The following ARHGEF6 variants were observed in gnomAD, a reference collection of about 807,000 sequenced individuals.
ARHGEF6 encodes Rac/Cdc42 guanine nucleotide exchange factor 6.
In ARHGEF6, 9 loss-of-function variants were observed where a neutral mutation model predicts 70.3. The ratio of observed to expected loss-of-function variants is 0.13; its 90% CI spans 0.08 to 0.22. The LOEUF (loss-of-function observed/expected upper bound fraction) is 0.22, where lower values mean the gene tolerates loss of function less well. Ranked by LOEUF, ARHGEF6 falls within the 10% of genes least tolerant of loss-of-function variation. The pLI is 1.00. For synonymous variants in ARHGEF6, 201 were observed against 207.8 expected (o/e 0.97, Z 0.28); for missense variants, 470 against 563.0 (o/e 0.83, Z 1.67).
At chrX:136,728,209 T>C (rs1873938812) in intron 6 of ARHGEF6, among the ~76,000 whole-genome samples, 2 of 111,273 alleles carry the variant, frequency 1.8e-5, no homozygotes, top group South Asian at 7.6e-4. Flanking sequence ...GGAACCAAGG[T>C]CAGGGGCAGC....
intron 7 of ARHGEF6, among the ~76,000 whole-genome samples, chrX:136,712,135 G>A (rs2076692254): frequency 9.0e-6 from 1 of 111,360 alleles, no homozygotes; most frequent in Non-Finnish European, 1.9e-5. Context: ...TTCACATGGA[G>A]TCTTGCTCTG....
chrX:136,696,246 G>A (rs2076508718), intron 9 of ARHGEF6, among the ~76,000 whole-genome samples: 1 of 111,428 alleles, frequency 9.0e-6, no homozygotes, highest in African/African-American at 3.3e-5. Context: ...GAAACAGTAA[G>A]GAGTTCCACT....
chrX:136,686,682 A>ATATATATATACACATGTG (rs1569394068), intron 11 of ARHGEF6, among the ~76,000 whole-genome samples: 40 of 59,496 alleles, frequency 6.7e-4, no homozygotes, highest in African/African-American at 2.6e-3. Context: ...ATATATACAC[A>ATATATATATACACATGTG]TATATATATA....
At chrX:136,708,236 A>G (rs1256702855) in intron 8 of ARHGEF6, among the ~76,000 whole-genome samples, 1 of 110,666 alleles carries the variant, frequency 9.0e-6, no homozygotes, top group Non-Finnish European at 1.9e-5. Context: ...AAGGGGAGGG[A>G]GAGCATTAGG....
intron 11 of ARHGEF6, among the ~76,000 whole-genome samples, chrX:136,686,597 T>TATATATATATATATATATATATACACAC (rs1569393667): frequency 1.6e-5 from 1 of 62,480 alleles, no homozygotes; most frequent in Non-Finnish European, 2.6e-5. Flanking sequence ...TGTGTGTGTA[T>TATATATATATATATATATATATACACAC]ATATATATAT....
chrX:136,722,432 T>C (rs1017160293), intron 6 of ARHGEF6, among the ~76,000 whole-genome samples: 12 of 111,643 alleles, frequency 1.1e-4, no homozygotes, highest in Non-Finnish European at 2.1e-4. Flanking sequence ...CTGATAAGAG[T>C]CTAGTATCCA....
Position 136,690,716 on chromosome X carries a change from C to T in ARHGEF6, c.1079G>A (p.Gly360Asp). ...AATGAGGATACCTGGGCTCGATGCA[C>T]CTTGATTTTCCATGAATTGTTCCAA... ...DELEQFMENQ[G>D]ASSPGILILT... The change falls in exon 10 of 22, where the codon GGT becomes GAT. Residue 360 changes from glycine (G) to aspartate (D), a missense_variant. Gly to Asp is a moderately conservative substitution (Grantham distance 94). Transcript: ENST00000250617. 1 of 1,210,848 alleles carries T rather than the reference C, an allele frequency of 8.3e-7. No homozygotes were observed. The highest frequency in any genetic ancestry group is 1.1e-6 in the Non-Finnish European group (1 of 894,932).
intron 2 of ARHGEF6, among the ~76,000 whole-genome samples, chrX:136,754,798 C>T (rs2077188890): frequency 9.0e-6 from 1 of 111,061 alleles, no homozygotes; most frequent in Non-Finnish European, 1.9e-5. Flanking sequence ...TTGGCGGGCT[C>T]CCACCCCTCC....
Position 136,682,975 on chromosome X carries a change from A to T in ARHGEF6, c.1393-131T>A, listed in dbSNP as rs751640405. 1,543 of 518,621 alleles carry T rather than the reference A, an allele frequency of 3.0e-3. 2 individuals are homozygous for T. The highest frequency in any genetic ancestry group is 4.2e-3 in the Non-Finnish European group (1,313 of 313,501). The allele number at this position is 518,621 out of a possible 1,213,427, so 42.7% of individuals were successfully genotyped here. A position where few individuals can be genotyped will look rare whatever the true frequency, so the allele number is the denominator to read the frequency against. On this transcript the variant is annotated intron_variant, in intron 12 of 21. Coordinates refer to ENST00000250617, the MANE Select transcript of ARHGEF6 (RefSeq NM_004840.3). Reference sequence around the variant, plus strand: ...AAACATTAACGGTAATTTTTTTTTTAAAAAAGATACCCAACTTGAAAACAC... The same window carrying T: ...AAACATTAACGGTAATTTTTTTTTTTAAAAAGATACCCAACTTGAAAACAC...
chrX:136,721,027 G>A (rs897559186), intron 6 of ARHGEF6, among the ~76,000 whole-genome samples: 3 of 111,890 alleles, frequency 2.7e-5, no homozygotes, highest in Non-Finnish European at 5.6e-5. Context: ...CTATATTCAT[G>A]GGTAGAAAGA....
At chrX:136,729,956 C>A (rs1311860184) in intron 6 of ARHGEF6, among the ~76,000 whole-genome samples, 2 of 110,260 alleles carry the variant, frequency 1.8e-5, no homozygotes, top group Non-Finnish European at 3.8e-5. Flanking sequence ...TATACACTTA[C>A]ACCTACCTTA....
At chrX:136,761,327 T>G (rs2077261504) in intron 2 of ARHGEF6, among the ~76,000 whole-genome samples, 2 of 112,332 alleles carry the variant, frequency 1.8e-5, no homozygotes, top group Non-Finnish European at 3.8e-5. Flanking sequence ...ATATATTGTC[T>G]GAAACTGTAG....
At chrX:136,748,193 T>C (rs5974623) in intron 2 of ARHGEF6, among the ~76,000 whole-genome samples, 1,620 of 111,972 alleles carry the variant, frequency 0.014, 30 homozygotes, top group African/African-American at 0.05. Context: ...GCTTCAGTTC[T>C]GTTTCTGCTG....
intron 18 of ARHGEF6, among the ~76,000 whole-genome samples, chrX:136,675,704 T>G (rs1462330713): frequency 9.1e-6 from 1 of 109,495 alleles, no homozygotes; most frequent in Non-Finnish European, 1.9e-5. Context: ...TTTTTTTTAG[T>G]AGAGACGAGG....
At chrX:136,698,272 A>G (rs1022090043) in intron 9 of ARHGEF6, among the ~76,000 whole-genome samples, 9 of 111,710 alleles carry the variant, frequency 8.1e-5, no homozygotes, top group African/African-American at 2.9e-4. Context: ...GAAATATGGA[A>G]AATCTTTAAG....
At chrX:136,724,012 AT>A (rs1308758050) in intron 6 of ARHGEF6, among the ~76,000 whole-genome samples, 2 of 110,571 alleles carry the variant, frequency 1.8e-5, no homozygotes, top group East Asian at 5.6e-4. Context: ...GGGCCCTTTT[AT>A]ATTCGGGAGG....
intron 9 of ARHGEF6, among the ~76,000 whole-genome samples, chrX:136,703,574 G>A (rs2076597332): frequency 8.9e-6 from 1 of 112,337 alleles, no homozygotes. Flanking sequence ...CCAGGCAGGA[G>A]TGCAATGGCG....
At chrX:136,669,194 T>C (rs937848877) in intron 21 of ARHGEF6, among the ~76,000 whole-genome samples, 1 of 112,335 alleles carries the variant, frequency 8.9e-6, no homozygotes, top group Non-Finnish European at 1.9e-5. Flanking sequence ...CACTCATGAA[T>C]GACTAGTCTT....
chrX:136,730,396 C>A (rs1444805152), intron 6 of ARHGEF6, among the ~76,000 whole-genome samples: 1 of 111,322 alleles, frequency 9.0e-6, no homozygotes, highest in East Asian at 2.8e-4. Flanking sequence ...CTATTCAAAG[C>A]CAGAGAAATG....
Sources: allele counts gnomAD v4.1 joint callset (sites outside exome capture counted in the v4.1 genomes callset), GRCh38; gene constraint gnomAD v4.1.1; transcripts MANE v1.5; gene names NCBI Gene and HGNC (gene_info 2026-07-23, HGNC 2026-07-21).